The following KCTD8 variants were observed in gnomAD, a reference collection of about 807,000 sequenced individuals.
The protein encoded by KCTD8 is potassium channel tetramerization domain containing 8.
KCTD8 carries 27 observed loss-of-function variants against 31.5 expected under a neutral mutation model. The ratio of observed to expected loss-of-function variants is 0.86; its 90% CI spans 0.63 to 1.18. KCTD8 has a LOEUF of 1.18. Ranked by LOEUF, KCTD8 falls within the 50% of genes most tolerant of loss-of-function variation. KCTD8 has a pLI of 0.00. For synonymous variants in KCTD8, 290 were observed against 280.0 expected, an observed-to-expected ratio of 1.04 and a Z score of -0.36; for missense variants, 658 against 647.7, an observed-to-expected ratio of 1.02 and a Z score of -0.17.
intron 1 of KCTD8, among the ~76,000 whole-genome samples, chr4:44,379,632 T>A (rs1720008889): frequency 6.6e-6 from 1 of 152,140 alleles, no homozygotes; most frequent in Non-Finnish European, 1.5e-5. Flanking sequence ...AAAGATCCCA[T>A]GTTACTTACA....
chr4:44,299,820 T>C (rs1431878303), intron 1 of KCTD8, among the ~76,000 whole-genome samples: 1 of 146,386 alleles, frequency 6.8e-6, no homozygotes, highest in East Asian at 2.1e-4. Flanking sequence ...CCAGGCCATC[T>C]CAGCTCACTG....
At chr4:44,353,295 C>T (rs1369421743) in intron 1 of KCTD8, among the ~76,000 whole-genome samples, 1 of 151,832 alleles carries the variant, frequency 6.6e-6, no homozygotes, top group Non-Finnish European at 1.5e-5. Context: ...GTTCATTTAT[C>T]CTGCTGTTTT....
chr4:44,374,924 C>T (rs189370401), intron 1 of KCTD8, among the ~76,000 whole-genome samples: 159 of 151,950 alleles, frequency 1.0e-3, no homozygotes, highest in Non-Finnish European at 1.8e-3. Flanking sequence ...ATGAAGTGAG[C>T]GCATGCTGTC....
In KCTD8 at chr4:44,340,535, C is replaced by T. The variant is rs568030147; in HGVS notation, c.961+107028G>A. On this transcript the variant is annotated intron_variant, in intron 1 of 1. Transcript: ENST00000360029. The stretch of plus-strand genomic sequence containing the variant: ...GTGTTAGCCAGGATGGTCTCCATTT[C>T]CTGACCTCATGATCCACCCCGCCTC... Among the ~76,000 whole-genome samples, 800 of 96,402 alleles carry T rather than the reference C, an allele frequency of 8.3e-3. 6 individuals are homozygous for T. Among genetic ancestry groups the T allele is most frequent in the Middle Eastern group, 0.042 (8 of 192 alleles). The allele number at this position is 96,402 out of a possible 152,430, so 63.2% of individuals were successfully genotyped here. A position where few individuals can be genotyped will look rare whatever the true frequency, so the allele number is the denominator to read the frequency against.
intron 1 of KCTD8, among the ~76,000 whole-genome samples, chr4:44,219,954 ATGT>A (rs746593688): frequency 2.9e-4 from 44 of 152,220 alleles, no homozygotes; most frequent in Non-Finnish European, 5.3e-4. Flanking sequence ...GAATATAAAA[ATGT>A]TGTTTTTTAT....
intron 1 of KCTD8, among the ~76,000 whole-genome samples, chr4:44,370,382 T>C (rs1361373193): frequency 1.3e-5 from 2 of 152,230 alleles, no homozygotes; most frequent in African/African-American, 4.8e-5. Context: ...TATATCCCTA[T>C]GTCCAATAAT....
At chr4:44,300,603 T>C (rs558551352) in intron 1 of KCTD8, among the ~76,000 whole-genome samples, 1 of 152,180 alleles carries the variant, frequency 6.6e-6, no homozygotes, top group Admixed American at 6.5e-5. Flanking sequence ...TGCAATCTGA[T>C]TGCAACAAGA....
At chr4:44,427,110 T>G (rs1721368011) in intron 1 of KCTD8, among the ~76,000 whole-genome samples, 1 of 151,512 alleles carries the variant, frequency 6.6e-6, no homozygotes, top group Admixed American at 6.6e-5. Context: ...TATTTATGAT[T>G]ACAAAAGAAG....
At chr4:44,382,513 G>T (rs776778909) in intron 1 of KCTD8, among the ~76,000 whole-genome samples, 5 of 151,882 alleles carry the variant, frequency 3.3e-5, no homozygotes, top group African/African-American at 4.8e-5. Context: ...GATTACCTGA[G>T]GTCAACAGTT....
intron 1 of KCTD8, among the ~76,000 whole-genome samples, chr4:44,445,481 GCT>G (rs1695209910): frequency 6.6e-6 from 1 of 152,084 alleles, no homozygotes; most frequent in Non-Finnish European, 1.5e-5. Flanking sequence ...CACTTCTGTA[GCT>G]CTAGAAGTGA....
At chr4:44,446,787 T>A (rs1721948974) in intron 1 of KCTD8, among the ~76,000 whole-genome samples, 1 of 149,424 alleles carries the variant, frequency 6.7e-6, no homozygotes, top group African/African-American at 2.5e-5. Flanking sequence ...CCCCAACACC[T>A]TCCCTCCCTC....
At chr4:44,437,441 G>A (rs949870906) in intron 1 of KCTD8, among the ~76,000 whole-genome samples, 6 of 152,064 alleles carry the variant, frequency 3.9e-5, no homozygotes, top group Admixed American at 3.9e-4. Flanking sequence ...GTTAATGAAT[G>A]CATGAATAAA....
At chr4:44,192,866 C>T (rs1478268294) in intron 1 of KCTD8, among the ~76,000 whole-genome samples, 1 of 152,122 alleles carries the variant, frequency 6.6e-6, no homozygotes, top group African/African-American at 2.4e-5. Context: ...GGCTTAGCCT[C>T]CCAGCCTACG....
intron 1 of KCTD8, among the ~76,000 whole-genome samples, chr4:44,236,759 C>T (rs1454384520): frequency 6.6e-6 from 1 of 152,052 alleles, no homozygotes; most frequent in Non-Finnish European, 1.5e-5. Flanking sequence ...TTGGCTGTGT[C>T]CTTACTCAAA....
intron 1 of KCTD8, among the ~76,000 whole-genome samples, chr4:44,323,053 C>A (rs76550520): frequency 1.3e-5 from 2 of 151,876 alleles, no homozygotes; most frequent in African/African-American, 4.9e-5. Flanking sequence ...GGCTCAGAAT[C>A]GCTTTAGGTT....
chr4:44,300,349 G>T (rs1717573957), intron 1 of KCTD8, among the ~76,000 whole-genome samples: 1 of 152,090 alleles, frequency 6.6e-6, no homozygotes, highest in East Asian at 1.9e-4. Flanking sequence ...GAAAAAAAAG[G>T]TTATATTCAT....
At chr4:44,206,459 C>T (rs1349661227) in intron 1 of KCTD8, among the ~76,000 whole-genome samples, 1 of 152,076 alleles carries the variant, frequency 6.6e-6, no homozygotes, top group Non-Finnish European at 1.5e-5. Flanking sequence ...CAAGATGAAG[C>T]TTTTGCTCAT....
In KCTD8 at chr4:44,174,433, G is replaced by A. The variant is rs1169194379; in HGVS notation, c.*357C>T. ...ATCCATATATCATTTTAGTTGGTAT[G>A]ATATGATGGTTTGTTTTTGGTAAGT... On this transcript the variant is annotated 3_prime_UTR_variant, in exon 2 of 2. Coordinates refer to ENST00000360029, the MANE Select transcript of KCTD8 (RefSeq NM_198353.3). The A allele has an allele frequency of 1.7e-5, 3 of 176,994 alleles. No individual in the cohort carries two copies. Among genetic ancestry groups the A allele is most frequent in the Non-Finnish European group, 3.5e-5 (3 of 84,744 alleles). The allele number at this position is 176,994 out of a possible 1,614,324, so 11.0% of individuals were successfully genotyped here.
At chr4:44,379,434 T>C (rs1370909371) in intron 1 of KCTD8, among the ~76,000 whole-genome samples, 1 of 152,134 alleles carries the variant, frequency 6.6e-6, no homozygotes, top group Non-Finnish European at 1.5e-5. Context: ...ATTAGGTTTT[T>C]GCATACAGAA....
Sources: gnomAD v4.1 joint callset for allele counts (sites outside exome capture counted in the v4.1 genomes callset) on GRCh38, gnomAD v4.1.1 for gene constraint, MANE v1.5 for transcripts, NCBI Gene and HGNC (gene_info 2026-07-23, HGNC 2026-07-21) for gene names.